Variants in NHSL2 observed in about 807,000 individuals in gnomAD.
NHSL2 encodes NHS-like protein 2.
A neutral mutation model predicts 53.4 loss-of-function variants in NHSL2; 27 were observed. The ratio of observed to expected loss-of-function variants is 0.51; its 90% CI spans 0.37 to 0.70. NHSL2 has a LOEUF of 0.70. Among genes scored for constraint, NHSL2 ranks in the 30% least tolerant of loss-of-function variants. NHSL2 has a pLI of 0.00. For missense variants in NHSL2, 892 were observed against 980.1 expected (o/e 0.91, Z 1.20); for synonymous variants, 408 against 404.1 (o/e 1.01, Z -0.12).
intron 1 of NHSL2, among the ~76,000 whole-genome samples, chrX:71,931,678 G>T (rs761290440): frequency 1.8e-5 from 2 of 112,380 alleles, no homozygotes; most frequent in African/African-American, 6.5e-5. Flanking sequence ...TTGACTGTAG[G>T]TGAATGGGTT....
At chrX:71,993,784 C>G (rs2042037801) in intron 1 of NHSL2, among the ~76,000 whole-genome samples, 1 of 110,198 alleles carries the variant, frequency 9.1e-6, no homozygotes, top group Non-Finnish European at 1.9e-5. Flanking sequence ...GAGAGTCGGC[C>G]AAGTGTAAGA....
intron 1 of NHSL2, among the ~76,000 whole-genome samples, chrX:71,975,799 G>T (rs911805890): frequency 8.9e-6 from 1 of 111,761 alleles, no homozygotes; most frequent in Non-Finnish European, 1.9e-5. Flanking sequence ...GCTGCTGCTG[G>T]CCCTACCACT....
At chrX:72,093,556 G>A (rs2041914405) in intron 1 of NHSL2, among the ~76,000 whole-genome samples, 1 of 112,131 alleles carries the variant, frequency 8.9e-6, no homozygotes, top group Non-Finnish European at 1.9e-5. Context: ...CAAAGTCCAA[G>A]GTATTCTATA....
Position 72,139,720 on chromosome X carries a change from C to T in NHSL2, c.2172C>T (p.Pro724=). The T allele has an allele frequency of 1.7e-6, 2 of 1,209,557 alleles. No homozygotes were observed. The highest frequency in any genetic ancestry group is 2.2e-6 in the Non-Finnish European group (2 of 893,772). Residue 724 remains proline (P), a synonymous_variant, in exon 6 of 8, where the codon CCC becomes CCT. Transcript: ENST00000633930. ...CCAGCCAGTCGGAAACACCAACACCCACTGTTTCCATGTCCCTGACCCTGG... is the reference window on the plus strand; with the variant it reads ...CCAGCCAGTCGGAAACACCAACACCTACTGTTTCCATGTCCCTGACCCTGG... ...GYSSQSETPT[P]TVSMSLTLGH...
chrX:72,093,721 G>GCTTGCTTGCTTGCTTGCTTGCTTGCTTT (rs1216358306), intron 1 of NHSL2, among the ~76,000 whole-genome samples: 48 of 95,336 alleles, frequency 5.0e-4, no homozygotes, highest in South Asian at 2.6e-3. Context: ...TAGCTTGCTT[G>GCTTGCTTGCTTGCTTGCTTGCTTGCTTT]CTTTCTTTCT....
At chrX:71,968,813 C>A in intron 1 of NHSL2, among the ~76,000 whole-genome samples, 2 of 112,145 alleles carry the variant, frequency 1.8e-5, no homozygotes, top group South Asian at 7.4e-4. Context: ...ATCTTGATAT[C>A]TTTGTCAAAA....
chrX:71,918,029 T>G (rs773252641), intron 1 of NHSL2, among the ~76,000 whole-genome samples: 1 of 111,958 alleles, frequency 8.9e-6, no homozygotes, highest in Admixed American at 9.4e-5. Context: ...TACACTCAAG[T>G]TTTCATTATC....
chrX:72,081,521 C>G (rs2041791803), intron 1 of NHSL2, among the ~76,000 whole-genome samples: 1 of 112,045 alleles, frequency 8.9e-6, no homozygotes, highest in South Asian at 3.7e-4. Context: ...CAACACCCCC[C>G]TGACCTCCAC....
intron 1 of NHSL2, among the ~76,000 whole-genome samples, chrX:71,925,244 T>C (rs1441738499): frequency 9.0e-6 from 1 of 111,650 alleles, no homozygotes; most frequent in African/African-American, 3.3e-5. Flanking sequence ...CAGTGCCAAA[T>C]TGACAGTGGT....
At chrX:71,972,138 G>A (rs1476670716) in intron 1 of NHSL2, among the ~76,000 whole-genome samples, 1 of 109,927 alleles carries the variant, frequency 9.1e-6, no homozygotes, top group East Asian at 2.8e-4. Flanking sequence ...AGGTTCAAGC[G>A]ATTTTCTTGC....
chrX:71,988,191 C>G (rs1652468036), intron 1 of NHSL2, among the ~76,000 whole-genome samples: 1 of 111,763 alleles, frequency 8.9e-6, no homozygotes, highest in African/African-American at 3.3e-5. Context: ...CCACCCATTG[C>G]AATGCCACTG....
chrX:72,023,604 G>A (rs1455319922), intron 1 of NHSL2, among the ~76,000 whole-genome samples: 1 of 112,064 alleles, frequency 8.9e-6, no homozygotes, highest in Admixed American at 9.4e-5. Context: ...TCTACCTCTT[G>A]TTCACTATCA....
At chrX:72,078,015 A>G (rs2041758493) in intron 1 of NHSL2, among the ~76,000 whole-genome samples, 1 of 112,824 alleles carries the variant, frequency 8.9e-6, no homozygotes, top group South Asian at 3.6e-4. Context: ...TAGCAACTTT[A>G]TGGCACAGGT....
At chrX:72,097,876 A>C (rs1423641546) in intron 1 of NHSL2, among the ~76,000 whole-genome samples, 5 of 112,093 alleles carry the variant, frequency 4.5e-5, no homozygotes, top group Non-Finnish European at 9.4e-5. Context: ...AACATGGACC[A>C]AACCTTCTCT....
At chrX:71,918,065 C>T (rs2147810232) in intron 1 of NHSL2, among the ~76,000 whole-genome samples, 1 of 111,938 alleles carries the variant, frequency 8.9e-6, no homozygotes, top group Admixed American at 9.4e-5. Context: ...CCCAGGCAAC[C>T]TCGGCTCCTT....
chrX:72,110,789 T>C (rs777910021), intron 1 of NHSL2, among the ~76,000 whole-genome samples: 1 of 105,641 alleles, frequency 9.5e-6, no homozygotes, highest in East Asian at 3.0e-4. Context: ...ACACTGTTTA[T>C]TGCTCTCTTT....
rs2042021435 is a variant in NHSL2 at position 71,990,208 on chromosome X, G to A, written c.280+78841G>A. ...CTGTTTCAACTAGAGGCACTGAATGGGATTTCCCCAGGGGTCACTTCTGGG... is the reference window on the plus strand; with the variant it reads ...CTGTTTCAACTAGAGGCACTGAATGAGATTTCCCCAGGGGTCACTTCTGGG... On this transcript the variant is annotated intron_variant, in intron 1 of 7. Coordinates refer to ENST00000633930, the MANE Select transcript of NHSL2 (RefSeq NM_001013627.3). Among the ~76,000 whole-genome samples, 4 of 111,863 alleles carry A rather than the reference G, an allele frequency of 3.6e-5. No homozygotes were observed. The South Asian group carries it at 1.5e-3, about 42-fold the overall frequency.
At chrX:71,986,782 A>C (rs1386499877) in intron 1 of NHSL2, among the ~76,000 whole-genome samples, 1 of 111,719 alleles carries the variant, frequency 9.0e-6, no homozygotes, top group East Asian at 2.8e-4. Context: ...GCACCAAATC[A>C]GTATGCTTTT....
intron 1 of NHSL2, among the ~76,000 whole-genome samples, chrX:71,967,036 G>C (rs1310900047): frequency 8.9e-6 from 1 of 111,869 alleles, no homozygotes; most frequent in East Asian, 2.8e-4. Flanking sequence ...TGTCATTCAA[G>C]GAATTGGTTC....
Sources: allele counts gnomAD v4.1 joint callset (sites outside exome capture counted in the v4.1 genomes callset), GRCh38; gene constraint gnomAD v4.1.1; transcripts MANE v1.5; gene names NCBI Gene and HGNC (gene_info 2026-07-23, HGNC 2026-07-21).